HFM1: variants seen among roughly 807,000 people sequenced by gnomAD.
The protein encoded by HFM1 is probable ATP-dependent DNA helicase HFM1.
In HFM1, 169 loss-of-function variants were observed where a neutral mutation model predicts 192.1. That is an observed-to-expected ratio of 0.88 (90% CI 0.78 to 1.00). The LOEUF is 1.00. Ranked by LOEUF, HFM1 falls within the 50% of genes least tolerant of loss-of-function variation. The pLI is 0.00. For missense variants in HFM1, 1,661 were observed against 1,668.0 expected, an observed-to-expected ratio of 1.00 and a Z score of 0.07; for synonymous variants, 525 against 537.8, an observed-to-expected ratio of 0.98 and a Z score of 0.33.
chr1:91,387,378 T>C (rs1395858808), intron 4 of HFM1, among the ~76,000 whole-genome samples: 1 of 151,864 alleles, frequency 6.6e-6, no homozygotes. Flanking sequence ...GTAACTTTTC[T>C]GACACCTCCT....
chr1:91,340,917 T>G (rs1655242269), intron 20 of HFM1, among the ~76,000 whole-genome samples: 1 of 152,178 alleles, frequency 6.6e-6, no homozygotes, highest in African/African-American at 2.4e-5. Flanking sequence ...TATATGCATC[T>G]AATACTAGAG....
intron 19 of HFM1, 138 bp from the exon 20 acceptor site, chr1:91,343,648 AAGAG>A (rs1227313255): frequency 7.6e-6 from 3 of 394,668 alleles, no homozygotes; most frequent in Non-Finnish European, 1.4e-5. Flanking sequence ...CTTAAGCAGT[AAGAG>A]AAAGCTCATT....
Position 91,319,394 on chromosome 1 carries a change from G to C in HFM1, c.2583-4C>G, listed in dbSNP as rs747039628. 8 of 1,593,438 alleles carry C rather than the reference G, an allele frequency of 5.0e-6. No individual in the cohort carries two copies. Among genetic ancestry groups the C allele is most frequent in the Non-Finnish European group, 6.0e-6 (7 of 1,162,228 alleles). On this transcript the variant is annotated splice_region_variant and splice_polypyrimidine_tract_variant and intron_variant, in intron 23 of 38. Coordinates refer to ENST00000370425, the MANE Select transcript of HFM1 (RefSeq NM_001017975.6). ...TCCTAGTTGAGCCTGAATAAGACTG[G>C]GGGAAAGAAAAAAAATTGTTACTCC... is the stretch of plus-strand genomic sequence containing the variant.
chr1:91,349,448 G>A (rs1432822198), intron 18 of HFM1, among the ~76,000 whole-genome samples: 1 of 152,088 alleles, frequency 6.6e-6, no homozygotes, highest in Non-Finnish European at 1.5e-5. Flanking sequence ...TTATAAAAAA[G>A]TACTGCTGCT....
Position 91,385,564 on chromosome 1 carries a change from C to T in HFM1, c.754+11G>A. On this transcript the variant is annotated intron_variant, in intron 5 of 38. Coordinates refer to ENST00000370425, the MANE Select transcript of HFM1 (RefSeq NM_001017975.6). ...GTACTCATAAAATGAACTGAAAAAG[C>T]AAGAAATTACCTTGAATATCATGAG... 1.9e-6 allele frequency: 3 copies of T among 1,603,088 alleles called. No homozygotes were observed. Among genetic ancestry groups the T allele is most frequent in the Non-Finnish European group, 1.7e-6 (2 of 1,173,408 alleles).
chr1:91,399,631 G>A (rs1048677414), intron 2 of HFM1, among the ~76,000 whole-genome samples: 1 of 152,066 alleles, frequency 6.6e-6, no homozygotes, highest in Admixed American at 6.5e-5. Context: ...TACCATGAAT[G>A]TCCTATCTCC....
At chr1:91,277,205 C>A in intron 30 of HFM1, 143 bp from the exon 31 acceptor site, 1 of 469,404 alleles carries the variant, frequency 2.1e-6, no homozygotes, top group Non-Finnish European at 3.6e-6. Context: ...TTTTGTAATC[C>A]ACGTAATTTT....
At chr1:91,334,286 A>G (rs1331160392) in intron 20 of HFM1, among the ~76,000 whole-genome samples, 1 of 152,174 alleles carries the variant, frequency 6.6e-6, no homozygotes. Context: ...TGGGAATAAT[A>G]AAACTACCCA....
intron 13 of HFM1, among the ~76,000 whole-genome samples, chr1:91,366,969 C>G (rs186492717): frequency 1.3e-5 from 2 of 152,236 alleles, no homozygotes; most frequent in Admixed American, 6.5e-5. Context: ...TATCCTGCGC[C>G]TGGCTTGGAG....
At chr1:91,381,351 T>C (rs1047612905) in intron 6 of HFM1, among the ~76,000 whole-genome samples, 1 of 152,240 alleles carries the variant, frequency 6.6e-6, no homozygotes, top group Non-Finnish European at 1.5e-5. Flanking sequence ...ACTTGATTTT[T>C]ATCTCTTCTT....
chr1:91,313,979 T>C lies in HFM1; in HGVS notation c.3222A>G (p.Ile1074Met), dbSNP rs1440093185. The C allele has an allele frequency of 6.3e-7, 1 of 1,598,858 alleles. No individual in the cohort carries two copies. The highest frequency in any genetic ancestry group is 1.1e-5 in the South Asian group (1 of 89,420). The stretch of plus-strand genomic sequence containing the variant: ...TACCAAATTCAGAACTTATTAGATT[T>C]ATGCTAAGATCTTCAGATTTAAGAG... ...KRALKSEDLSINLISSEFVGL... is the reference protein window; with the variant it reads ...KRALKSEDLSMNLISSEFVGL... The change falls in exon 29 of 39, where the codon ATA becomes ATG. Residue 1074 changes from isoleucine (I) to methionine (M), a missense_variant. Physicochemically the swap from Ile to Met is conservative, Grantham distance 10 (BLOSUM62 1). Transcript: ENST00000370425.
At chr1:91,269,356 A>G (rs922361334) in intron 34 of HFM1, among the ~76,000 whole-genome samples, 1 of 152,148 alleles carries the variant, frequency 6.6e-6, no homozygotes, top group African/African-American at 2.4e-5. Flanking sequence ...AACATAATTT[A>G]ATTGAAAGTT....
chr1:91,369,296 A>G (rs1453384117), intron 13 of HFM1, among the ~76,000 whole-genome samples: 1 of 152,226 alleles, frequency 6.6e-6, no homozygotes, highest in Non-Finnish European at 1.5e-5. Flanking sequence ...CAGAATATAC[A>G]TTCTTTTCAG....
In HFM1 at chr1:91,285,060, C is replaced by T. The variant is rs143417572; in HGVS notation, c.3392-7998G>A. Among the ~76,000 whole-genome samples the T allele has an allele frequency of 3.4e-3, 524 of 152,208 alleles. 2 individuals carry two copies. The highest frequency in any genetic ancestry group is 6.2e-3 in the Non-Finnish European group (421 of 68,010). ...TGATTTTATAAGGGGTCTCTCCTTT[C>T]GGCTGGCTCTCATTCTCTCTTGTCT... On this transcript the variant is annotated intron_variant, in intron 30 of 38. Coordinates refer to ENST00000370425, the MANE Select transcript of HFM1 (RefSeq NM_001017975.6).
intron 6 of HFM1, among the ~76,000 whole-genome samples, chr1:91,383,099 A>G (rs2102029524): frequency 6.6e-6 from 1 of 152,320 alleles, no homozygotes; most frequent in East Asian, 1.9e-4. Context: ...GGTATAGGAC[A>G]ATGAGTTTTA....
chr1:91,323,641 G>A (rs1013928839), intron 21 of HFM1, among the ~76,000 whole-genome samples: 1 of 152,102 alleles, frequency 6.6e-6, no homozygotes, highest in African/African-American at 2.4e-5. Context: ...TTAGATATTA[G>A]GAAATTTGGA....
intron 13 of HFM1, among the ~76,000 whole-genome samples, chr1:91,364,736 C>T (rs749689270): frequency 2.1e-4 from 31 of 149,628 alleles, no homozygotes; most frequent in Middle Eastern, 3.5e-3. Flanking sequence ...GGGGTTCACG[C>T]CATTCTCCTG....
chr1:91,329,273 C>T (rs756793879), intron 20 of HFM1: 66 of 1,609,180 alleles, frequency 4.1e-5, no homozygotes, highest in African/African-American at 5.4e-5. Flanking sequence ...TGAAGTGGAG[C>T]GAGCCAAATG....
intron 13 of HFM1, among the ~76,000 whole-genome samples, chr1:91,361,230 A>C (rs898212811): frequency 4.0e-5 from 6 of 148,208 alleles, no homozygotes; most frequent in African/African-American, 1.2e-4. Context: ...ACATGAAAAA[A>C]CCCTTCAAAA....
Sources: allele counts gnomAD v4.1 joint callset (sites outside exome capture counted in the v4.1 genomes callset), GRCh38; gene constraint gnomAD v4.1.1; transcripts MANE v1.5; gene names NCBI Gene and HGNC (gene_info 2026-07-23, HGNC 2026-07-21).